The following YLPM1 variants were observed in gnomAD, a reference collection of about 807,000 sequenced individuals.
YLPM1 encodes YLP motif containing 1.
In YLPM1, 99 loss-of-function variants were observed where a neutral mutation model predicts 230.0. The observed-to-expected ratio is 0.43, with a 90% CI of 0.37 to 0.51. The LOEUF is 0.51. Ranked by LOEUF, YLPM1 falls within the 20% of genes least tolerant of loss-of-function variation. YLPM1 has a pLI of 0.00. For synonymous variants in YLPM1, 984 were observed against 942.5 expected, an observed-to-expected ratio of 1.04 and a Z score of -0.81; for missense variants, 2,592 against 2,707.7, an observed-to-expected ratio of 0.96 and a Z score of 0.95.
At chr14:74,832,181 G>A (rs2140147507) in intron 19 of YLPM1, among the ~76,000 whole-genome samples, 1 of 152,276 alleles carries the variant, frequency 6.6e-6, no homozygotes, top group Admixed American at 6.5e-5. Flanking sequence ...AGTCTCAAAA[G>A]TACCTCTAGG....
Position 74,798,301 on chromosome 14 carries a change from C to T in YLPM1, c.3004C>T (p.Arg1002Trp), listed in dbSNP as rs185880959. Reference protein sequence around the residue: ...SENNQDKGLPRPDNRDNRLEG... With the variant: ...SENNQDKGLPWPDNRDNRLEG... ...AAACAACCAAGATAAAGGCCTGCCT[C>T]GGCCAGATAATAGAGATAATAGATT... Residue 1002 changes from arginine to tryptophan, a missense_variant, in exon 5 of 21, where the codon CGG (arginine) becomes TGG (tryptophan). Arg to Trp is a moderately radical substitution (Grantham distance 101). Coordinates refer to ENST00000325680, the MANE Select transcript of YLPM1 (RefSeq NM_019589.3). 283 of 1,613,872 alleles carry T rather than the reference C, an allele frequency of 1.8e-4. No homozygotes were observed. The East Asian group carries it at 4.9e-3, about 28-fold the overall frequency.
intron 3 of YLPM1, 126 bp downstream of exon 3, chr14:74,780,710 G>A: frequency 1.4e-6 from 2 of 1,441,112 alleles, no homozygotes; most frequent in Non-Finnish European, 1.8e-6. Flanking sequence ...TTTCCCAAGG[G>A]GTGCCCAAGT....
chr14:74,806,451 G>A (rs1594832363), intron 6 of YLPM1, among the ~76,000 whole-genome samples: 1 of 152,084 alleles, frequency 6.6e-6, no homozygotes. Context: ...CCAGGCACGC[G>A]CCAGGTGGTG....
Position 74,780,522 on chromosome 14 carries a change from A to C in YLPM1, c.1228A>C (p.Thr410Pro). Residue 410 changes from threonine to proline, a missense_variant, in exon 3 of 21, where the codon ACT (threonine) becomes CCT (proline). By Grantham distance (38) the Thr-to-Pro change is conservative. This residue lies in a region of YLPM1 where 1,862 missense variants were observed against 1,819.8 expected (regional missense o/e 1.02). Coordinates refer to ENST00000325680, the MANE Select transcript of YLPM1 (RefSeq NM_019589.3). ...FQYQGIMQKHTQLQQILQQYQ... is the reference protein window; with the variant it reads ...FQYQGIMQKHPQLQQILQQYQ... ...GTATCAGGGAATAATGCAGAAGCAC[A>C]CTCAGTTACAGCAGATTCTACAACA... 2 of 1,613,962 alleles carry C rather than the reference A, an allele frequency of 1.2e-6. No individual in the cohort carries two copies. The highest frequency in any genetic ancestry group is 8.5e-7 in the Non-Finnish European group (1 of 1,179,872).
chr14:74,766,615 T>G (rs2140065596), intron 1 of YLPM1, among the ~76,000 whole-genome samples: 1 of 149,408 alleles, frequency 6.7e-6, no homozygotes, highest in African/African-American at 2.5e-5. Flanking sequence ...GGACTACAGG[T>G]GCATGCCACC....
intron 1 of YLPM1, among the ~76,000 whole-genome samples, chr14:74,770,321 TAAAA>T (rs774234106): frequency 7.9e-6 from 1 of 127,048 alleles, no homozygotes; most frequent in Non-Finnish European, 1.7e-5. Flanking sequence ...GAGTGAGACC[TAAAA>T]AAAAAAAAAA....
chr14:74,812,956 C>A (rs1385175020), intron 11 of YLPM1, among the ~76,000 whole-genome samples, 174 bp downstream of exon 11: 1 of 152,156 alleles, frequency 6.6e-6, no homozygotes, highest in Non-Finnish European at 1.5e-5. Context: ...ACTATAGAAT[C>A]TTTAAGAATT....
intron 9 of YLPM1, among the ~76,000 whole-genome samples, chr14:74,811,013 G>A (rs2091429067): frequency 1.3e-5 from 2 of 151,700 alleles, no homozygotes; most frequent in African/African-American, 2.4e-5. Flanking sequence ...TTTTGATGAC[G>A]ATGTGGTTTC....
At chr14:74,800,966 T>C (rs2091318827) in intron 5 of YLPM1, among the ~76,000 whole-genome samples, 1 of 152,218 alleles carries the variant, frequency 6.6e-6, no homozygotes, top group Non-Finnish European at 1.5e-5. Flanking sequence ...TTAAGTTCCC[T>C]TGGCTAGTAA....
chr14:74,797,726 G>A lies in YLPM1; in HGVS notation c.2429G>A (p.Gly810Glu), dbSNP rs1221682100. Reference protein sequence around the residue: ...HPAEGTKSKWGMIPRGPASQF... With the variant: ...HPAEGTKSKWEMIPRGPASQF... The stretch of plus-strand genomic sequence containing the variant: ...GCAGAGGGCACTAAAAGCAAGTGGG[G>A]AATGATTCCCCGGGGGCCAGCATCT... Residue 810 changes from glycine to glutamate, a missense_variant, in exon 5 of 21, where the codon GGA becomes GAA. By Grantham distance (98) the Gly-to-Glu change is moderately conservative. Transcript: ENST00000325680. 1 of 1,613,660 alleles carries A rather than the reference G, an allele frequency of 6.2e-7. No individual in the cohort carries two copies.
Position 74,798,575 on chromosome 14 carries a change from T to G in YLPM1, c.3278T>G (p.Val1093Gly). The part of the protein sequence containing the change: ...LVRPGSSREK[V>G]PGGLQGSQDR... ...AGGCCTGGAAGCAGTCGGGAGAAAG[T>G]GCCAGGTGGTCTTCAAGGGAGCCAG... Residue 1093 changes from valine to glycine, a missense_variant, in exon 5 of 21, where the codon GTG (valine) becomes GGG (glycine). Physicochemically the swap from Val to Gly is moderately radical, Grantham distance 109. This residue lies in a region of YLPM1 where 1,862 missense variants were observed against 1,819.8 expected (regional missense o/e 1.02). Coordinates refer to ENST00000325680, the MANE Select transcript of YLPM1 (RefSeq NM_019589.3). 1 of 1,613,486 alleles carries G rather than the reference T, an allele frequency of 6.2e-7. No individual in the cohort carries two copies. The highest frequency in any genetic ancestry group is 1.1e-5 in the South Asian group (1 of 91,006).
At position 74,816,193 on chromosome 14, in the gene YLPM1, TC is replaced by T; in HGVS notation, c.5503-9del. ...TGATTTTTTTTTTTTTTTGGTCTAT[TC>T]TGTTTCAGATTGTTGTTATAATGAG... On this transcript the variant is annotated splice_polypyrimidine_tract_variant and intron_variant, in intron 11 of 20. Transcript: ENST00000325680. The T allele has an allele frequency of 6.3e-7, 1 of 1,595,482 alleles. No individual in the cohort carries two copies. Among genetic ancestry groups the T allele is most frequent in the African/African-American group, 1.3e-5 (1 of 74,502 alleles).
intron 1 of YLPM1, among the ~76,000 whole-genome samples, chr14:74,766,636 ATTTTTTTT>A (rs34932979): frequency 9.1e-5 from 10 of 110,348 alleles, no homozygotes; most frequent in Admixed American, 3.1e-4. Context: ...ATGCCTGGCT[ATTTTTTTT>A]TTTTTTTTTT....
At chr14:74,781,262 A>G in intron 3 of YLPM1, 72 bp from the exon 4 acceptor site, 1 of 1,433,066 alleles carries the variant, frequency 7.0e-7, no homozygotes, top group Non-Finnish European at 9.2e-7. Flanking sequence ...CCCTTGATTC[A>G]TTAATATTTT....
chr14:74,801,199 T>C (rs1357831940), intron 5 of YLPM1, among the ~76,000 whole-genome samples: 6 of 152,186 alleles, frequency 3.9e-5, no homozygotes, highest in African/African-American at 1.4e-4. Flanking sequence ...ATGAACATAA[T>C]TAAACAATAT....
rs374055040 is a variant in YLPM1 at position 74,798,387 on chromosome 14, C to A, written c.3090C>A (p.Asp1030Glu). The A allele has an allele frequency of 2.4e-5, 39 of 1,613,864 alleles. No homozygotes were observed. The highest frequency in any genetic ancestry group is 6.7e-5 in the African/African-American group (5 of 74,906). The change falls in exon 5 of 21, where the codon GAC (aspartate) becomes GAA (glutamate). Residue 1030 changes from aspartate (D) to glutamate (E), a missense_variant. Around this residue, in one of 4 missense-constraint regions of YLPM1, gnomAD observed 1,862 missense variants for 1,819.8 expected, o/e 1.02. Transcript: ENST00000325680. ...GTCCTGGGCAAAGCAGAATGGAAGA[C>A]ACACGGGATAAAGGTCTAGTAAACA... ...YRGPGQSRME[D>E]TRDKGLVNRG...
chr14:74,784,978 A>T (rs2091133092), intron 4 of YLPM1, among the ~76,000 whole-genome samples: 1 of 152,176 alleles, frequency 6.6e-6, no homozygotes, highest in African/African-American at 2.4e-5. Context: ...TACCAACTTC[A>T]TTATAAATAA....
chr14:74,813,221 G>T (rs1478555655), intron 11 of YLPM1, among the ~76,000 whole-genome samples: 1 of 152,148 alleles, frequency 6.6e-6, no homozygotes, highest in Admixed American at 6.5e-5. Flanking sequence ...GGAGATTTCA[G>T]CCAGATATTT....
intron 11 of YLPM1, among the ~76,000 whole-genome samples, chr14:74,814,267 A>G (rs1235705398): frequency 6.6e-6 from 1 of 152,222 alleles, no homozygotes; most frequent in Admixed American, 6.5e-5. Flanking sequence ...AGGCTAAGGC[A>G]GGAGAATGGC....
Sources: gnomAD v4.1 joint callset for allele counts (sites outside exome capture counted in the v4.1 genomes callset) on GRCh38, gnomAD v4.1.1 for gene constraint, gnomAD v4.1.1 regional missense constraint, MANE v1.5 for transcripts, NCBI Gene and HGNC (gene_info 2026-07-23, HGNC 2026-07-21) for gene names.